Variants in GALNT9 observed in about 807,000 individuals in gnomAD.
The protein encoded by GALNT9 is GalNAc transferase 9.
Under a neutral mutation model 63.1 loss-of-function variants are expected in GALNT9, and 47 were observed. The ratio of observed to expected loss-of-function variants is 0.75; its 90% confidence interval spans 0.59 to 0.95. The LOEUF is 0.95. Ranked by LOEUF, GALNT9 falls within the 40% of genes least tolerant of loss-of-function variation. The probability of loss-of-function intolerance (pLI) is 0.00; values close to 1 mark genes in which losing one functional copy is unlikely to be tolerated. For synonymous variants in GALNT9, 396 were observed against 365.7 expected (o/e 1.08, Z -0.94); for missense variants, 829 against 874.8 (o/e 0.95, Z 0.66).
At chr12:132,268,645 G>C (rs28637336) in intron 2 of GALNT9, among the ~76,000 whole-genome samples, 29 of 152,360 alleles carry the variant, frequency 1.9e-4, no homozygotes, top group African/African-American at 2.6e-4. Context: ...TTCAAAGCAC[G>C]CATCTGATAA....
At chr12:132,272,623 C>T (rs1377476848) in intron 2 of GALNT9, 1 of 152,240 alleles carries the variant, frequency 6.6e-6, no homozygotes, top group East Asian at 1.9e-4. Flanking sequence ...GGAACACATA[C>T]ACCTCATTTT....
At chr12:132,210,843 A>C (rs1171935398) in intron 6 of GALNT9, among the ~76,000 whole-genome samples, 41 of 140,580 alleles carry the variant, frequency 2.9e-4, no homozygotes, top group Admixed American at 2.5e-3. Context: ...CGCCGTCTGG[A>C]GGTCGCCGTC....
At chr12:132,284,428 C>G (rs1555241977) in intron 2 of GALNT9, 1 of 152,260 alleles carries the variant, frequency 6.6e-6, no homozygotes, top group Non-Finnish European at 1.5e-5. Flanking sequence ...ATGAAAACAC[C>G]ACTGTGTTCT....
intron 6 of GALNT9, among the ~76,000 whole-genome samples, chr12:132,209,634 G>A (rs1215329116): frequency 6.6e-6 from 1 of 152,014 alleles, no homozygotes; most frequent in Non-Finnish European, 1.5e-5. Flanking sequence ...TCATCCTCAC[G>A]GCTCATTTTA....
Position 132,329,413 on chromosome 12 carries a change from G to C in GALNT9, c.-210C>G. On this transcript the variant is annotated 5_prime_UTR_variant, in exon 1 of 11. Coordinates refer to ENST00000328957, the MANE Select transcript of GALNT9 (RefSeq NM_001122636.2). ...GAGCGCAGAGGGCTGCCCGGGGCTG[G>C]GGTCGCGGGGCGCGGCCGGCATCCC... 1.9e-6 allele frequency: 1 copy of C among 537,096 alleles called. No homozygotes were observed. The highest frequency in any genetic ancestry group is 2.7e-6 in the Non-Finnish European group (1 of 373,396). The allele number at this position is 537,096 out of a possible 1,614,324, so 33.3% of individuals were successfully genotyped here. A position where few individuals can be genotyped will look rare whatever the true frequency, so the allele number is the denominator to read the frequency against.
At position 132,316,075 on chromosome 12, in the gene GALNT9, T is replaced by C. The variant is rs1230206650; in HGVS notation, c.238+12891A>G. On this transcript the variant is annotated intron_variant, in intron 1 of 10. Transcript: ENST00000328957. This position sits in a 1 kb window ranked among gnomAD's most constrained non-coding sequence, Gnocchi z 4.3. ...CGCCTGCAGGTCTTGGGTTCCGTCA[T>C]GTTTCCTCATCAGCCTTTCGCCTCC... is the stretch of plus-strand genomic sequence containing the variant. 2.0e-5 allele frequency among the ~76,000 whole-genome samples: 3 copies of C among 152,116 alleles called. No homozygotes were observed. Among genetic ancestry groups the C allele is most frequent in the Admixed American group, 6.5e-5 (1 of 15,280 alleles).
chr12:132,270,343 A>G (rs2135550528), intron 2 of GALNT9, among the ~76,000 whole-genome samples: 1 of 152,312 alleles, frequency 6.6e-6, no homozygotes, highest in East Asian at 1.9e-4. Flanking sequence ...CCAGAAGGCA[A>G]AGGCCGGCAC....
At chr12:132,328,040 G>A (rs781904079) in intron 1 of GALNT9, among the ~76,000 whole-genome samples, 11 of 152,200 alleles carry the variant, frequency 7.2e-5, no homozygotes, top group Admixed American at 1.3e-4. Context: ...TCATCGGCAC[G>A]GAACGGAAAG....
In GALNT9 at chr12:132,200,893, T is replaced by C. The variant is rs1359159307; in HGVS notation, c.1401+231A>G. ...GTGGGTCTGCAGGTGCGTGTGTTTA[T>C]GTGAACCTGCACCTTGTGTGTGCAC... On this transcript the variant is annotated intron_variant, in intron 8 of 10. Transcript: ENST00000328957. The C allele has an allele frequency of 4.1e-5, 22 of 542,890 alleles. No homozygotes were observed. In the South Asian group the frequency reaches 4.9e-4, roughly 12 times the overall value. 33.6% of individuals were successfully genotyped at this position (542,890 alleles called of 1,614,324 possible). A position where few individuals can be genotyped will look rare whatever the true frequency, so the allele number is the denominator to read the frequency against.
At chr12:132,247,096 C>G (rs1555238047) in intron 6 of GALNT9, among the ~76,000 whole-genome samples, 1 of 152,194 alleles carries the variant, frequency 6.6e-6, no homozygotes, top group African/African-American at 2.4e-5. Flanking sequence ...CCCGCAACCT[C>G]CAAAATAAAA....
intron 2 of GALNT9, among the ~76,000 whole-genome samples, chr12:132,277,034 TAC>T (rs145065264): frequency 3.3e-5 from 5 of 151,166 alleles, no homozygotes; most frequent in East Asian, 1.9e-4. Flanking sequence ...CATGCACACA[TAC>T]ACACACACAC....
chr12:132,253,927 C>T (rs1181394768), intron 5 of GALNT9, among the ~76,000 whole-genome samples: 1 of 152,140 alleles, frequency 6.6e-6, no homozygotes, highest in Non-Finnish European at 1.5e-5. Context: ...GGAAACATGG[C>T]CGTGTGTCAA....
intron 6 of GALNT9, among the ~76,000 whole-genome samples, chr12:132,226,759 CCA>C (rs1237354809): frequency 1.3e-4 from 19 of 149,298 alleles, no homozygotes; most frequent in Middle Eastern, 3.7e-3. Context: ...TACACCCACC[CCA>C]CACACTGTAC....
At chr12:132,203,745 CGGCCAGCTAGGGGCCCGTGAGA>C (rs1565984113) in intron 6 of GALNT9, 55 bp from the exon 7 acceptor site, 2 of 1,561,512 alleles carry the variant, frequency 1.3e-6, no homozygotes, top group Admixed American at 1.8e-5. Flanking sequence ...GCGGGCAGCC[CGGCCAGCTAGGGGCCCGTGAGA>C]GGCCAAGGGG....
chr12:132,310,007 G>T lies in GALNT9; in HGVS notation c.238+18959C>A, dbSNP rs1401451775. 1.3e-5 allele frequency among the ~76,000 whole-genome samples: 2 copies of T among 152,244 alleles called. No individual in the cohort carries two copies. Among genetic ancestry groups the T allele is most frequent in the East Asian group, 3.8e-4 (2 of 5,202 alleles). Reference sequence around the variant, plus strand: ...GACCAACACCCAGTCAGCAAGACTCGAGTGGAACTTGCTGGGTGGAATTTC... The same window carrying T: ...GACCAACACCCAGTCAGCAAGACTCTAGTGGAACTTGCTGGGTGGAATTTC... On this transcript the variant is annotated intron_variant, in intron 1 of 10. Coordinates refer to ENST00000328957, the MANE Select transcript of GALNT9 (RefSeq NM_001122636.2). The surrounding 1 kb of genome is among the most constrained non-coding windows in gnomAD (Gnocchi z 4.8).
intron 1 of GALNT9, among the ~76,000 whole-genome samples, chr12:132,292,298 C>T (rs1158616319): frequency 2.6e-5 from 4 of 152,226 alleles, no homozygotes; most frequent in African/African-American, 9.6e-5. Flanking sequence ...CCTGGAGAGC[C>T]GCCTGAGGTG....
chr12:132,257,632 C>G (rs1187315362), intron 5 of GALNT9, 57 bp downstream of exon 5: 7 of 1,395,206 alleles, frequency 5.0e-6, no homozygotes, highest in Non-Finnish European at 6.8e-6. Context: ...GCCCGCCTCG[C>G]TCTGCTCCGC....
intron 1 of GALNT9, among the ~76,000 whole-genome samples, chr12:132,290,007 T>C (rs578022188): frequency 2.6e-3 from 391 of 152,274 alleles, no homozygotes; most frequent in African/African-American, 8.6e-3. Flanking sequence ...GTGGAGTCAG[T>C]GCTGTCACCG....
intron 1 of GALNT9, among the ~76,000 whole-genome samples, chr12:132,307,194 C>T (rs560903841): frequency 2.6e-5 from 4 of 152,262 alleles, no homozygotes; most frequent in South Asian, 2.1e-4. Context: ...TACTGCCACC[C>T]AGGGACTCGG....
Sources: allele counts gnomAD v4.1 joint callset (sites outside exome capture counted in the v4.1 genomes callset), GRCh38; gene constraint gnomAD v4.1.1; non-coding constraint Gnocchi (gnomAD v3.1); transcripts MANE v1.5; gene names NCBI Gene and HGNC (gene_info 2026-07-23, HGNC 2026-07-21).